The following POLA1 variants were observed in gnomAD, a reference collection of about 807,000 sequenced individuals.
POLA1 encodes the protein DNA polymerase alpha catalytic subunit.
Under a neutral mutation model 124.0 loss-of-function variants are expected in POLA1, and 15 were observed. The ratio of observed to expected loss-of-function variants is 0.12; its 90% CI spans 0.08 to 0.19. The LOEUF is 0.19. Ranked by LOEUF, POLA1 falls within the 10% of genes least tolerant of loss-of-function variation. POLA1 has a pLI of 1.00. For synonymous variants in POLA1, 408 were observed against 389.4 expected (o/e 1.05, Z -0.56); for missense variants, 886 against 1,103.4 (o/e 0.80, Z 2.79).
chrX:24,810,945 GTCTT>G (rs1390004467), intron 28 of POLA1, 145 bp downstream of exon 28: 1 of 383,973 alleles, frequency 2.6e-6, no homozygotes, highest in African/African-American at 2.7e-5. Flanking sequence ...CTATTTTTCT[GTCTT>G]TCTTTATTAT....
rs1569290125 is a variant in POLA1, at chrX:24,739,429, G to A, written c.2095G>A (p.Val699Met). The change falls in exon 20 of 37, where the codon GTG becomes ATG. Residue 699 changes from valine to methionine, a missense_variant. By Grantham distance (21) the Val-to-Met change is conservative. Transcript: ENST00000379068. ...TACCTGTGGTCGAATGATCTGTGAT[G>A]TGGAAATTTCAGCAAAGGAATTGAT... is the stretch of plus-strand genomic sequence containing the variant. ...NATCGRMICDVEISAKELIRC... is the reference protein window; with the variant it reads ...NATCGRMICDMEISAKELIRC... 1 of 1,200,164 alleles carries A rather than the reference G, an allele frequency of 8.3e-7. No individual in the cohort carries two copies. The highest frequency in any genetic ancestry group is 1.1e-6 in the Non-Finnish European group (1 of 886,168).
chrX:24,704,313 GT>G, intron 3 of POLA1, 75 bp from the exon 4 acceptor site: 8 of 735,752 alleles, frequency 1.1e-5, no homozygotes, highest in East Asian at 6.3e-5. Flanking sequence ...GGTATAAAAG[GT>G]TTTTTTGGTC....
intron 26 of POLA1, among the ~76,000 whole-genome samples, chrX:24,786,407 T>C (rs1176982438): frequency 8.9e-6 from 1 of 112,453 alleles, no homozygotes; most frequent in African/African-American, 3.2e-5. Flanking sequence ...TGATGATTAG[T>C]GATGTTGAGT....
intron 36 of POLA1, among the ~76,000 whole-genome samples, chrX:24,957,463 TAGGTG>T (rs1282241660): frequency 4.5e-5 from 5 of 111,209 alleles, no homozygotes; most frequent in Admixed American, 2.9e-4. Context: ...ATTCCATTTC[TAGGTG>T]TATGCCCTAG....
chrX:24,831,202 G>A (rs746382161), intron 32 of POLA1, among the ~76,000 whole-genome samples: 1 of 110,965 alleles, frequency 9.0e-6, no homozygotes, highest in East Asian at 2.8e-4. Context: ...GGTGAAACAG[G>A]GCCAAGCGAT....
At chrX:24,762,151 C>T in intron 26 of POLA1, among the ~76,000 whole-genome samples, 1 of 111,625 alleles carries the variant, frequency 9.0e-6, no homozygotes, top group East Asian at 2.8e-4. Context: ...TTACAAAGCA[C>T]CTTAACATAG....
intron 26 of POLA1, among the ~76,000 whole-genome samples, chrX:24,773,704 T>C (rs1177226958): frequency 1.8e-5 from 2 of 112,444 alleles, no homozygotes; most frequent in Non-Finnish European, 3.8e-5. Context: ...CTATTGTTAA[T>C]CTTTCTCTCA....
intron 34 of POLA1, among the ~76,000 whole-genome samples, chrX:24,856,794 C>T (rs1203857258): frequency 9.0e-6 from 1 of 110,528 alleles, no homozygotes; most frequent in African/African-American, 3.3e-5. Context: ...CTTATATCCA[C>T]TTTGGTGAAG....
chrX:24,846,757 A>G (rs2046482549), intron 34 of POLA1, among the ~76,000 whole-genome samples: 1 of 111,939 alleles, frequency 8.9e-6, no homozygotes, highest in Non-Finnish European at 1.9e-5. Context: ...AGCTGGCAGA[A>G]TGCCTGCTGT....
At chrX:24,990,279 T>C (rs1456034624) in intron 36 of POLA1, among the ~76,000 whole-genome samples, 1 of 112,618 alleles carries the variant, frequency 8.9e-6, no homozygotes, top group Non-Finnish European at 1.9e-5. Context: ...TTTATTTCCC[T>C]TTTTAAAGTG....
chrX:24,919,805 TTTG>T (rs1419843585), intron 35 of POLA1, among the ~76,000 whole-genome samples: 8 of 84,290 alleles, frequency 9.5e-5, no homozygotes, highest in Admixed American at 7.5e-4. Flanking sequence ...AGTTTTTTTT[TTTG>T]TTTTTTTTTT....
intron 34 of POLA1, among the ~76,000 whole-genome samples, chrX:24,887,742 T>TGAGGAAGG (rs1036006515): frequency 9.1e-6 from 1 of 109,765 alleles, no homozygotes; most frequent in Non-Finnish European, 1.9e-5. Flanking sequence ...TGTATTGGAG[T>TGAGGAAGG]GAGGAAGGGT....
intron 28 of POLA1, among the ~76,000 whole-genome samples, chrX:24,811,504 G>A (rs1270530879): frequency 9.2e-6 from 1 of 109,165 alleles, no homozygotes; most frequent in African/African-American, 3.4e-5. Context: ...TGGCCAGGAT[G>A]GTCTTGATCT....
intron 34 of POLA1, among the ~76,000 whole-genome samples, chrX:24,859,982 A>G (rs1390044355): frequency 8.9e-6 from 1 of 112,388 alleles, no homozygotes; most frequent in Admixed American, 9.4e-5. Context: ...GCAGGTTTTC[A>G]CCTTAAAATT....
chrX:24,905,060 T>C (rs1317121840), intron 35 of POLA1, among the ~76,000 whole-genome samples: 15 of 107,648 alleles, frequency 1.4e-4, no homozygotes, highest in African/African-American at 4.8e-4. Flanking sequence ...TATGAACTTC[T>C]GGGCCTGTGG....
At chrX:24,966,238 A>G (rs1386679481) in intron 36 of POLA1, among the ~76,000 whole-genome samples, 2 of 111,966 alleles carry the variant, frequency 1.8e-5, no homozygotes, top group Non-Finnish European at 3.8e-5. Flanking sequence ...GCCTAGTAAT[A>G]AAACATGTTT....
chrX:24,759,932 A>G (rs184747180), intron 26 of POLA1, among the ~76,000 whole-genome samples: 1,155 of 112,061 alleles, frequency 0.01, 8 homozygotes, highest in Non-Finnish European at 0.015. Context: ...TTTGGTATCT[A>G]TTTCTTTTTC....
At chrX:24,869,214 A>G (rs1353277660) in intron 34 of POLA1, among the ~76,000 whole-genome samples, 2 of 112,785 alleles carry the variant, frequency 1.8e-5, no homozygotes, top group Admixed American at 9.3e-5. Flanking sequence ...GATTACAGGC[A>G]TGAGCCACTC....
At chrX:24,827,996 C>T (rs2046200766) in intron 32 of POLA1, among the ~76,000 whole-genome samples, 1 of 111,962 alleles carries the variant, frequency 8.9e-6, no homozygotes, top group African/African-American at 3.2e-5. Context: ...TCCCTGCTAC[C>T]CCCATCGTCA....
Sources: gnomAD v4.1 joint callset for allele counts (sites outside exome capture counted in the v4.1 genomes callset) on GRCh38, gnomAD v4.1.1 for gene constraint, MANE v1.5 for transcripts, NCBI Gene and HGNC (gene_info 2026-07-23, HGNC 2026-07-21) for gene names.